The following RBFOX1 variants were observed in gnomAD, a reference collection of about 807,000 sequenced individuals.
RBFOX1 encodes the protein RNA binding fox-1 homolog 1.
RBFOX1 carries 8 observed loss-of-function variants against 57.7 expected under a neutral mutation model. That is an observed-to-expected ratio of 0.14 (90% CI 0.08 to 0.25). The LOEUF (loss-of-function observed/expected upper bound fraction) is 0.25, where lower values mean the gene tolerates loss of function less well. Ranked by LOEUF, RBFOX1 falls within the 10% of genes least tolerant of loss-of-function variation. The pLI is 1.00. For missense variants in RBFOX1, 611 were observed against 548.5 expected, an observed-to-expected ratio of 1.11 and a Z score of -1.14; for synonymous variants, 326 against 222.4, an observed-to-expected ratio of 1.47 and a Z score of -4.15.
At chr16:5,318,344 G>T (rs1227970851) in intron 1 of RBFOX1, among the ~76,000 whole-genome samples, 1 of 151,956 alleles carries the variant, frequency 6.6e-6, no homozygotes, top group Non-Finnish European at 1.5e-5. Flanking sequence ...GGCCAGGCTG[G>T]TCTCAAACTC....
intron 2 of RBFOX1, among the ~76,000 whole-genome samples, chr16:6,469,630 C>T (rs1597694739): frequency 2.0e-5 from 3 of 152,290 alleles, no homozygotes; most frequent in South Asian, 4.1e-4. Flanking sequence ...CTTTGATAGC[C>T]GGTGGAATCA....
intron 10 of RBFOX1, chr16:7,614,295 A>T (rs1273408201): frequency 1.3e-5 from 2 of 152,180 alleles, no homozygotes; most frequent in Non-Finnish European, 2.9e-5. Flanking sequence ...TATCTTGCAC[A>T]TCTGTTTACC....
At chr16:7,369,423 T>C (rs138573783) in intron 4 of RBFOX1, among the ~76,000 whole-genome samples, 1 of 152,116 alleles carries the variant, frequency 6.6e-6, no homozygotes, top group Non-Finnish European at 1.5e-5. Flanking sequence ...CCTCTCACTA[T>C]TAATTCATCT....
chr16:6,684,619 G>A (rs1434086953), intron 3 of RBFOX1, among the ~76,000 whole-genome samples: 1 of 152,138 alleles, frequency 6.6e-6, no homozygotes, highest in Non-Finnish European at 1.5e-5. Context: ...GTGAGATGAG[G>A]GGACAGCCAC....
At chr16:7,689,017 C>T (rs2076752961) in intron 14 of RBFOX1, among the ~76,000 whole-genome samples, 1 of 152,050 alleles carries the variant, frequency 6.6e-6, no homozygotes, top group Non-Finnish European at 1.5e-5. Context: ...GGTTTCACCT[C>T]TACCACTTAA....
chr16:6,487,470 A>T (rs2095510212), intron 2 of RBFOX1, among the ~76,000 whole-genome samples: 1 of 151,582 alleles, frequency 6.6e-6, no homozygotes, highest in African/African-American at 2.4e-5. Context: ...TTTGTAACAT[A>T]ATTTTGTGCT....
intron 10 of RBFOX1, among the ~76,000 whole-genome samples, chr16:7,629,365 C>T (rs1394577756): frequency 3.3e-5 from 5 of 152,154 alleles, no homozygotes; most frequent in Non-Finnish European, 7.4e-5. Context: ...TAGAACCATT[C>T]CCTAGGGCAA....
chr16:5,741,214 G>A (rs924973678), intron 3 of RBFOX1, among the ~76,000 whole-genome samples: 2 of 152,176 alleles, frequency 1.3e-5, no homozygotes, highest in South Asian at 4.2e-4. Flanking sequence ...TCTGTCCTTG[G>A]GGCTGCCACG....
chr16:7,573,348 A>G (rs899793855), intron 5 of RBFOX1, among the ~76,000 whole-genome samples: 2 of 152,136 alleles, frequency 1.3e-5, no homozygotes, highest in African/African-American at 4.8e-5. Context: ...TAGAGAGCCA[A>G]TGACGATCCA....
chr16:5,470,767 G>T (rs936469688), intron 2 of RBFOX1, among the ~76,000 whole-genome samples: 1 of 152,110 alleles, frequency 6.6e-6, no homozygotes, highest in South Asian at 2.1e-4. Context: ...CGCCTCTGCA[G>T]CCTGGAACCC....
intron 3 of RBFOX1, among the ~76,000 whole-genome samples, chr16:6,747,390 G>C (rs1005171767): frequency 6.6e-5 from 10 of 150,780 alleles, no homozygotes; most frequent in Non-Finnish European, 1.3e-4. Context: ...CTGGGCGACA[G>C]AGTGAGACTC....
intron 3 of RBFOX1, among the ~76,000 whole-genome samples, chr16:5,670,702 T>C (rs1330993440): frequency 1.3e-5 from 2 of 152,256 alleles, no homozygotes; most frequent in African/African-American, 4.8e-5. Context: ...TCCTTCTTAC[T>C]AGTTCAACTG....
chr16:7,377,054 A>AGC (rs1289688802), intron 4 of RBFOX1, among the ~76,000 whole-genome samples: 1 of 152,232 alleles, frequency 6.6e-6, no homozygotes, highest in Non-Finnish European at 1.5e-5. Context: ...GATGGAAGGT[A>AGC]TAAATGTTTA....
chr16:5,313,402 C>G (rs1171867825), intron 1 of RBFOX1, among the ~76,000 whole-genome samples: 3 of 152,132 alleles, frequency 2.0e-5, no homozygotes, highest in Non-Finnish European at 4.4e-5. Context: ...GGAGGTTAGT[C>G]TGGAAGTGGC....
intron 3 of RBFOX1, among the ~76,000 whole-genome samples, chr16:6,990,351 C>A (rs959175143): frequency 6.6e-6 from 1 of 151,980 alleles, no homozygotes; most frequent in East Asian, 1.9e-4. Flanking sequence ...ATGGTGAAAC[C>A]CCATTTCTAC....
chr16:6,968,532 A>T (rs2084801254), intron 3 of RBFOX1, among the ~76,000 whole-genome samples: 2 of 152,082 alleles, frequency 1.3e-5, no homozygotes, highest in South Asian at 2.1e-4. Context: ...GAGCAGTCTT[A>T]AAGATTTAGA....
At chr16:6,042,686 G>T (rs905566608) in intron 1 of RBFOX1, among the ~76,000 whole-genome samples, 2 of 152,112 alleles carry the variant, frequency 1.3e-5, no homozygotes, top group African/African-American at 4.8e-5. Flanking sequence ...CTAAGAAAGC[G>T]TGTCTAAGAT....
intron 3 of RBFOX1, among the ~76,000 whole-genome samples, chr16:6,695,806 A>T (rs557924136): frequency 6.6e-6 from 1 of 152,282 alleles, no homozygotes; most frequent in Admixed American, 6.5e-5. Context: ...CTTCATTGTC[A>T]TGTCCTGTTT....
At chr16:6,650,924 A>C (rs2098585959) in intron 2 of RBFOX1, among the ~76,000 whole-genome samples, 1 of 152,108 alleles carries the variant, frequency 6.6e-6, no homozygotes, top group African/African-American at 2.4e-5. Flanking sequence ...TTTTTTGGAA[A>C]CAGAGTCTCA....
Sources: gnomAD v4.1 joint callset for allele counts (sites outside exome capture counted in the v4.1 genomes callset) on GRCh38, gnomAD v4.1.1 for gene constraint, MANE v1.5 for transcripts, NCBI Gene and HGNC (gene_info 2026-07-23, HGNC 2026-07-21) for gene names.